MEGF11: variants seen among roughly 807,000 people sequenced by gnomAD.
MEGF11 encodes the protein multiple epidermal growth factor-like domains protein 11.
MEGF11 carries 126 observed loss-of-function variants against 146.6 expected under a neutral mutation model. That is an observed-to-expected ratio of 0.86 (90% confidence interval 0.74 to 1.00). MEGF11 has a LOEUF of 1.00. Ranked by LOEUF, MEGF11 falls within the 50% of genes least tolerant of loss-of-function variation. The pLI is 0.00. For synonymous variants in MEGF11, 532 were observed against 583.4 expected (o/e 0.91, Z 1.27); for missense variants, 1,509 against 1,521.2 (o/e 0.99, Z 0.13).
intron 1 of MEGF11, among the ~76,000 whole-genome samples, chr15:66,156,741 C>T (rs983647704): frequency 6.6e-6 from 1 of 152,182 alleles, no homozygotes; most frequent in African/African-American, 2.4e-5. Flanking sequence ...GTCTGGTGAA[C>T]TCACAGCTGC....
chr15:66,230,122 C>T (rs1247818420), intron 1 of MEGF11, among the ~76,000 whole-genome samples: 1 of 152,162 alleles, frequency 6.6e-6, no homozygotes, highest in Admixed American at 6.5e-5. Flanking sequence ...GCATCTCATC[C>T]CTCCAGCTGC....
intron 15 of MEGF11, 115 bp downstream of exon 15, chr15:65,922,223 G>A (rs1465754910): frequency 4.5e-6 from 6 of 1,325,842 alleles, no homozygotes; most frequent in Non-Finnish European, 6.2e-6. Context: ...TCCTGAAGAG[G>A]GAAGGAGCTA....
intron 7 of MEGF11, among the ~76,000 whole-genome samples, chr15:65,980,524 G>T (rs371936): frequency 6.6e-6 from 1 of 150,928 alleles, no homozygotes; most frequent in African/African-American, 2.4e-5. Context: ...TCAGCCTCCC[G>T]AGTAGCTGAG....
chr15:65,946,612 C>T (rs144279310), intron 10 of MEGF11, among the ~76,000 whole-genome samples: 373 of 152,266 alleles, frequency 2.4e-3, no homozygotes, highest in African/African-American at 8.5e-3. Flanking sequence ...AGGCTGCTCT[C>T]GAACTCCTGA....
chr15:66,060,368 C>T (rs1405653184), intron 5 of MEGF11, among the ~76,000 whole-genome samples: 1 of 152,208 alleles, frequency 6.6e-6, no homozygotes, highest in Non-Finnish European at 1.5e-5. Context: ...TTGAGACCCC[C>T]AAGCCAAACA....
chr15:65,993,263 G>A (rs2082109352), intron 5 of MEGF11, among the ~76,000 whole-genome samples: 1 of 152,178 alleles, frequency 6.6e-6, no homozygotes, highest in Admixed American at 6.5e-5. Context: ...TGAGGTCTAT[G>A]AGGCTCGGGG....
chr15:65,911,983 C>A (rs2078826293), intron 21 of MEGF11, 99 bp downstream of exon 21: 2 of 559,392 alleles, frequency 3.6e-6, no homozygotes, highest in Middle Eastern at 5.2e-4. Flanking sequence ...TCTACATGGA[C>A]CCTCCATGTG....
At position 66,133,528 on chromosome 15, in the gene MEGF11, G is replaced by A. The variant is rs150714540; in HGVS notation, c.-8-5117C>T. ...AAAAGCCAAGTTTGCACACAATGGG[G>A]CAAATGCCAAGGTTATCGCCCCGTC... On this transcript the variant is annotated intron_variant, in intron 1 of 25. Coordinates refer to ENST00000395614, the MANE Select transcript of MEGF11 (RefSeq NM_001385028.1). 2.0e-3 allele frequency among the ~76,000 whole-genome samples: 299 copies of A among 152,310 alleles called. 1 individual carries two copies. Among genetic ancestry groups the A allele is most frequent in the African/African-American group, 6.8e-3 (284 of 41,566 alleles).
At chr15:65,932,312 C>T (rs1273343222) in intron 10 of MEGF11, among the ~76,000 whole-genome samples, 3 of 151,978 alleles carry the variant, frequency 2.0e-5, no homozygotes, top group South Asian at 2.1e-4. Context: ...ACTTGGAGGG[C>T]GATGTCTATA....
At chr15:66,058,922 C>T (rs1464452059) in intron 5 of MEGF11, among the ~76,000 whole-genome samples, 4 of 152,130 alleles carry the variant, frequency 2.6e-5, no homozygotes, top group African/African-American at 9.7e-5. Context: ...CTGAGTCTCC[C>T]CATTACCCCA....
chr15:66,001,967 G>C (rs1194976370), intron 5 of MEGF11, among the ~76,000 whole-genome samples: 2 of 152,192 alleles, frequency 1.3e-5, no homozygotes, highest in Non-Finnish European at 2.9e-5. Context: ...AGGGCTGGCA[G>C]GGGGATGGGG....
chr15:66,192,366 A>G (rs1415484325), intron 1 of MEGF11, among the ~76,000 whole-genome samples: 1 of 151,882 alleles, frequency 6.6e-6, no homozygotes, highest in Non-Finnish European at 1.5e-5. Context: ...GCTATTTGGG[A>G]GGCTGAGGCA....
intron 10 of MEGF11, among the ~76,000 whole-genome samples, chr15:65,941,805 C>T (rs2080002403): frequency 6.6e-6 from 1 of 152,182 alleles, no homozygotes; most frequent in South Asian, 2.1e-4. Context: ...GATGGCCAGC[C>T]CCAGGAGGGA....
chr15:65,915,504 G>T lies in MEGF11; in HGVS notation c.2439C>A (p.Cys813Ter). 1 of 1,613,952 alleles carries T rather than the reference G, an allele frequency of 6.2e-7. No homozygotes were observed. Among genetic ancestry groups the T allele is most frequent in the African/African-American group, 1.3e-5 (1 of 75,044 alleles). ...ACCTGATTCCTTTGAAGCCAGGGCT[G>T]CAGTAACAGGTGCCGGTGACATGGT... Reference protein sequence around the residue: ...TCDHVTGTCYCSPGFKGIRCD... With the variant: ...TCDHVTGTCY Residue 813 changes from cysteine (C) to a stop codon, truncating the protein, a stop_gained, in exon 19 of 26, where the codon TGC (cysteine) becomes TGA (stop). Transcript: ENST00000395614. LOFTEE classifies it high-confidence loss of function.
At chr15:66,194,382 G>A (rs967835949) in intron 1 of MEGF11, among the ~76,000 whole-genome samples, 4 of 152,196 alleles carry the variant, frequency 2.6e-5, no homozygotes, top group Non-Finnish European at 5.9e-5. Context: ...GCTGAGGTGG[G>A]TGGATCACCT....
intron 5 of MEGF11, among the ~76,000 whole-genome samples, chr15:66,013,902 G>A (rs1266540258): frequency 6.6e-6 from 1 of 152,182 alleles, no homozygotes; most frequent in African/African-American, 2.4e-5. Context: ...GCAGTTAGGG[G>A]CCAGATCATA....
chr15:66,148,505 G>A (rs1290632494), intron 1 of MEGF11, among the ~76,000 whole-genome samples: 5 of 152,222 alleles, frequency 3.3e-5, no homozygotes, highest in Admixed American at 3.3e-4. Flanking sequence ...AGAACGACAG[G>A]AGGTTGCCAC....
chr15:66,084,690 G>A (rs952634911), intron 5 of MEGF11, among the ~76,000 whole-genome samples: 3 of 152,222 alleles, frequency 2.0e-5, no homozygotes, highest in African/African-American at 7.2e-5. Context: ...TGGCACCACA[G>A]GGATCCATCA....
At chr15:66,225,714 TCA>T (rs1485385934) in intron 1 of MEGF11, among the ~76,000 whole-genome samples, 2 of 151,850 alleles carry the variant, frequency 1.3e-5, no homozygotes, top group South Asian at 2.1e-4. Context: ...CCCCATGCAC[TCA>T]CACACACACG....
Sources: gnomAD v4.1 joint callset for allele counts (sites outside exome capture counted in the v4.1 genomes callset) on GRCh38, gnomAD v4.1.1 for gene constraint, MANE v1.5 for transcripts, NCBI Gene and HGNC (gene_info 2026-07-23, HGNC 2026-07-21) for gene names.